The following LCK variants were observed in gnomAD, a reference collection of about 807,000 sequenced individuals.
LCK encodes tyrosine-protein kinase Lck.
Under a neutral mutation model 64.6 loss-of-function variants are expected in LCK, and 14 were observed. The ratio of observed to expected loss-of-function variants is 0.22; its 90% CI spans 0.14 to 0.34. LCK has a LOEUF of 0.34. Among genes scored for constraint, LCK ranks in the 10% least tolerant of loss-of-function variants. The pLI is 1.00. For synonymous variants in LCK, 277 were observed against 263.6 expected, an observed-to-expected ratio of 1.05 and a Z score of -0.49; for missense variants, 434 against 668.1, an observed-to-expected ratio of 0.65 and a Z score of 3.86.
chr1:32,280,788 G>A (rs41510850), intron 12 of LCK, among the ~76,000 whole-genome samples: 9,878 of 152,132 alleles, frequency 0.065, 1,048 homozygotes, highest in African/African-American at 0.22. Flanking sequence ...CAGGCAGCCT[G>A]GTATGGTAGA....
chr1:32,272,605 AAGAG>A (rs377566341), intron 1 of LCK, among the ~76,000 whole-genome samples: 4 of 135,664 alleles, frequency 2.9e-5, no homozygotes, highest in Admixed American at 7.2e-5. Flanking sequence ...GAGAGAGAGA[AAGAG>A]AGAGAGAGAG....
chr1:32,276,915 C>G lies in LCK; in HGVS notation c.964+129C>G, dbSNP rs1181582088. ...AGGGTTTCTTGAGCTTTCCTGCCCC[C>G]TGGAGACTCACCTCCAGCCGGGCGC... On this transcript the variant is annotated intron_variant, in intron 9 of 12. Transcript: ENST00000336890. This position sits in a 1 kb window ranked among gnomAD's most constrained non-coding sequence, Gnocchi z 4.6. The G allele has an allele frequency of 2.0e-6, 2 of 1,007,802 alleles. No individual in the cohort carries two copies. The highest frequency in any genetic ancestry group is 2.8e-6 in the Non-Finnish European group (2 of 726,208). The allele number at this position is 1,007,802 out of a possible 1,614,324, so 62.4% of individuals were successfully genotyped here.
intron 1 of LCK, among the ~76,000 whole-genome samples, chr1:32,260,621 T>G (rs1639743618): frequency 6.6e-6 from 1 of 152,122 alleles, no homozygotes; most frequent in South Asian, 2.1e-4. Flanking sequence ...TTGTGTTGCT[T>G]TGTTTGTTTT....
chr1:32,276,529 G>A lies in LCK; in HGVS notation c.784+40G>A, dbSNP rs1299402898. 5.7e-6 allele frequency: 9 copies of A among 1,589,188 alleles called. No individual in the cohort carries two copies. In the Admixed American group the frequency reaches 6.9e-5, roughly 12 times the overall value. On this transcript the variant is annotated intron_variant, in intron 8 of 12. Transcript: ENST00000336890. This position sits in a 1 kb window ranked among gnomAD's most constrained non-coding sequence, Gnocchi z 4.6. ...CAGGACTGCCTGGGAAGAGGGGAAC[G>A]GGAGGGGCCGCTGAGGTGATGAGAG...
chr1:32,275,832 G>A lies in LCK; in HGVS notation c.482-82G>A. 1 of 1,544,922 alleles carries A rather than the reference G, an allele frequency of 6.5e-7. No individual in the cohort carries two copies. Among genetic ancestry groups the A allele is most frequent in the South Asian group, 1.2e-5 (1 of 84,102 alleles). On this transcript the variant is annotated intron_variant, in intron 6 of 12. Transcript: ENST00000336890. This position sits in a 1 kb window ranked among gnomAD's most constrained non-coding sequence, Gnocchi z 6.9. ...GGATGACCCGGAGTTGGGGGTGCTG[G>A]GTGAGCCCAAGGTGGGGGCGCGGTG...
chr1:32,275,534 A>G lies in LCK; in HGVS notation c.378-35A>G. The G allele has an allele frequency of 6.4e-7, 1 of 1,553,008 alleles. No homozygotes were observed. Among genetic ancestry groups the G allele is most frequent in the Non-Finnish European group, 8.7e-7 (1 of 1,143,178 alleles). ...GGGCCACGGAGGAAGATCCGACGAC[A>G]GCCGACGGCCTTCGTTCGCTTCCGC... On this transcript the variant is annotated intron_variant, in intron 5 of 12. Transcript: ENST00000336890. The surrounding 1 kb of genome is among the most constrained non-coding windows in gnomAD (Gnocchi z 6.9).
intron 1 of LCK, among the ~76,000 whole-genome samples, chr1:32,267,260 A>G (rs568200820): frequency 1.3e-5 from 2 of 152,304 alleles, no homozygotes; most frequent in East Asian, 3.9e-4. Flanking sequence ...GACTCCTAAC[A>G]GTAGGGGAAA....
chr1:32,272,623 A>AAGAGAGAGAGAGAGAGAGAGAGAG (rs145594259), intron 1 of LCK, among the ~76,000 whole-genome samples: 1 of 123,104 alleles, frequency 8.1e-6, no homozygotes, highest in Non-Finnish European at 1.7e-5. Context: ...GAGAGAGAGA[A>AAGAGAGAGAGAGAGAGAGAGAGAG]AGAGAGAGAG....
At chr1:32,259,048 T>C (rs936012618) in intron 1 of LCK, among the ~76,000 whole-genome samples, 3 of 151,156 alleles carry the variant, frequency 2.0e-5, no homozygotes, top group Non-Finnish European at 4.4e-5. Context: ...TATTATGTAT[T>C]TAAACAAATA....
chr1:32,285,223 C>T (rs893064419), intron 12 of LCK, among the ~76,000 whole-genome samples: 2 of 150,620 alleles, frequency 1.3e-5, no homozygotes, highest in African/African-American at 4.9e-5. Context: ...ATTGTTTGAA[C>T]CTGGGAGGTG....
chr1:32,270,692 CTTTTTTTTTT>C (rs34689678), intron 1 of LCK, among the ~76,000 whole-genome samples: 24 of 96,794 alleles, frequency 2.5e-4, no homozygotes, highest in African/African-American at 9.6e-4. Flanking sequence ...CGTGCCCGGA[CTTTTTTTTTT>C]TTTTTTTTTT....
chr1:32,259,844 A>G (rs1639724349), intron 1 of LCK, among the ~76,000 whole-genome samples: 1 of 151,732 alleles, frequency 6.6e-6, no homozygotes, highest in South Asian at 2.1e-4. Flanking sequence ...TAAAATAAAG[A>G]AAGAAATTAT....
At chr1:32,262,130 TGCC>T (rs1639791898) in intron 1 of LCK, among the ~76,000 whole-genome samples, 1 of 142,262 alleles carries the variant, frequency 7.0e-6, no homozygotes, top group East Asian at 2.6e-4. Context: ...GTGATTCACC[TGCC>T]TCGGCCTCCC....
chr1:32,257,855 C>T (rs1019199705), intron 1 of LCK, among the ~76,000 whole-genome samples: 5 of 152,066 alleles, frequency 3.3e-5, no homozygotes, highest in African/African-American at 7.2e-5. Flanking sequence ...TTATTTATAG[C>T]GATACTTGAC....
intron 1 of LCK, among the ~76,000 whole-genome samples, chr1:32,261,785 C>T (rs1406500327): frequency 2.7e-5 from 4 of 150,922 alleles, no homozygotes; most frequent in African/African-American, 9.7e-5. Context: ...AACCCCGTCT[C>T]TACTAAAAAT....
In LCK at chr1:32,275,109, G is replaced by C; in HGVS notation, c.278+26G>C. The C allele has an allele frequency of 1.3e-6, 2 of 1,591,294 alleles. No individual in the cohort carries two copies. The highest frequency in any genetic ancestry group is 1.7e-6 in the Non-Finnish European group (2 of 1,163,278). ...GTGAGTCCCTCTCCACCTTGCTCTGGCGGAGTCCGTGAGGGAGCGGCGATC... is the reference window on the plus strand; with the variant it reads ...GTGAGTCCCTCTCCACCTTGCTCTGCCGGAGTCCGTGAGGGAGCGGCGATC... On this transcript the variant is annotated intron_variant, in intron 4 of 12. Coordinates refer to ENST00000336890, the MANE Select transcript of LCK (RefSeq NM_005356.5). This position sits in a 1 kb window ranked among gnomAD's most constrained non-coding sequence, Gnocchi z 6.9.
chr1:32,263,078 G>T (rs565415976), intron 1 of LCK, among the ~76,000 whole-genome samples: 1 of 152,106 alleles, frequency 6.6e-6, no homozygotes, highest in Non-Finnish European at 1.5e-5. Context: ...GTGGTCCACA[G>T]AACATTTTGT....
At position 32,275,668 on chromosome 1, in the gene LCK, C is replaced by G. The variant is rs1350422602; in HGVS notation, c.477C>G (p.Thr159=). ...GSFLIRESES[T]AGSFSLSVRD... ...TCCTCATCCGGGAGAGCGAGAGCAC[C>G]GCGGGTGAGCGGGCGGCGGTCTCGA... Residue 159 remains threonine (T), a synonymous_variant, in exon 6 of 13, where the codon ACC becomes ACG. Transcript: ENST00000336890. This position sits in a 1 kb window ranked among gnomAD's most constrained non-coding sequence, Gnocchi z 6.9. 1.3e-6 allele frequency: 2 copies of G among 1,560,342 alleles called. No homozygotes were observed. The highest frequency in any genetic ancestry group is 1.7e-6 in the Non-Finnish European group (2 of 1,154,044).
chr1:32,280,228 G>A lies in LCK; in HGVS notation c.1327+18G>A, dbSNP rs772861860. 6.2e-7 allele frequency: 1 copy of A among 1,613,800 alleles called. No homozygotes were observed. The highest frequency in any genetic ancestry group is 8.5e-7 in the Non-Finnish European group (1 of 1,179,888). On this transcript the variant is annotated intron_variant, in intron 12 of 12. Transcript: ENST00000336890. ...TTACCCAGGTTAGAGCCAAGGGCAGGAACTGAAAGGGTGATGGGAAGGGCA... is the reference window on the plus strand; with the variant it reads ...TTACCCAGGTTAGAGCCAAGGGCAGAAACTGAAAGGGTGATGGGAAGGGCA...
Sources: allele counts gnomAD v4.1 joint callset (sites outside exome capture counted in the v4.1 genomes callset), GRCh38; gene constraint gnomAD v4.1.1; non-coding constraint Gnocchi (gnomAD v3.1); transcripts MANE v1.5; gene names NCBI Gene and HGNC (gene_info 2026-07-23, HGNC 2026-07-21).